The following OSBPL9 variants were observed in gnomAD, a reference collection of about 807,000 sequenced individuals.
OSBPL9 encodes the protein oxysterol-binding protein-related protein 9.
In OSBPL9, 40 loss-of-function variants were observed where a neutral mutation model predicts 106.6. The ratio of observed to expected loss-of-function variants is 0.38; its 90% CI spans 0.29 to 0.49. The LOEUF (loss-of-function observed/expected upper bound fraction) is 0.49. OSBPL9 is among the 20% of genes least tolerant of loss of function. OSBPL9 has a pLI of 0.97. For synonymous variants in OSBPL9, 269 were observed against 295.4 expected (o/e 0.91, Z 0.92); for missense variants, 609 against 887.2 (o/e 0.69, Z 3.98).
the OSBPL9 span, among the ~76,000 whole-genome samples, chr1:51,537,742 T>C: frequency 8.5e-5 from 13 of 152,190 alleles, no homozygotes; most frequent in Admixed American, 8.5e-4. Context: ...GGTCTCACTA[T>C]GTTGCCCAGG....
intron 1 of OSBPL9, among the ~76,000 whole-genome samples, chr1:51,632,633 C>T: frequency 8.5e-6 from 1 of 117,630 alleles, no homozygotes; most frequent in Non-Finnish European, 1.9e-5. Flanking sequence ...AAGACTCTTC[C>T]TCTTACCTCA....
chr1:51,667,231 G>A (rs1385698958), intron 2 of OSBPL9, among the ~76,000 whole-genome samples: 1 of 152,138 alleles, frequency 6.6e-6, no homozygotes, highest in Non-Finnish European at 1.5e-5. Flanking sequence ...CATATACTAT[G>A]CAATTTATCA....
intron 7 of OSBPL9, among the ~76,000 whole-genome samples, chr1:51,749,756 A>G (rs1391168389): frequency 6.6e-6 from 1 of 150,744 alleles, no homozygotes; most frequent in Non-Finnish European, 1.5e-5. Flanking sequence ...AGTGCCAGCT[A>G]CTCGGGAGGC....
At chr1:51,566,651 C>T in the OSBPL9 span, 6 of 152,228 alleles carry the variant, frequency 3.9e-5, no homozygotes, top group Non-Finnish European at 7.3e-5. Context: ...CACATAGTCA[C>T]AAACAAACCT....
chr1:51,778,069 G>C (rs975626781), intron 15 of OSBPL9, among the ~76,000 whole-genome samples: 1 of 152,024 alleles, frequency 6.6e-6, no homozygotes, highest in African/African-American at 2.4e-5. Flanking sequence ...AAGGCAGGAG[G>C]GTCATGCAGT....
At chr1:51,583,944 A>G (rs1202261083) in intron 1 of OSBPL9, among the ~76,000 whole-genome samples, 1 of 152,074 alleles carries the variant, frequency 6.6e-6, no homozygotes, top group African/African-American at 2.4e-5. Context: ...GACTTTTTCA[A>G]CAGTCACTGC....
chr1:51,615,284 CAAA>C (rs1053806349), upstream of OSBPL9, among the ~76,000 whole-genome samples: 1 of 151,056 alleles, frequency 6.6e-6, no homozygotes, highest in Non-Finnish European at 1.5e-5. Flanking sequence ...ACAAAACAAA[CAAA>C]AAAAACAGAA....
chr1:51,667,117 G>C (rs1294905340), intron 2 of OSBPL9, among the ~76,000 whole-genome samples: 2 of 152,182 alleles, frequency 1.3e-5, no homozygotes, highest in Non-Finnish European at 2.9e-5. Flanking sequence ...AGTTGACTAG[G>C]TGACTTGTTG....
intron 8 of OSBPL9, among the ~76,000 whole-genome samples, chr1:51,755,472 C>CA (rs1670136014): frequency 6.6e-6 from 1 of 152,132 alleles, no homozygotes; most frequent in Non-Finnish European, 1.5e-5. Context: ...AAGTAATATG[C>CA]GTTCAATAGA....
chr1:51,601,183 C>G (rs1011145233), intron 2 of OSBPL9, among the ~76,000 whole-genome samples: 2 of 152,304 alleles, frequency 1.3e-5, no homozygotes, highest in South Asian at 2.1e-4. Flanking sequence ...CCCTGTAGCT[C>G]CAAATCCTCT....
At chr1:51,648,649 A>G (rs1180411883) in intron 1 of OSBPL9, among the ~76,000 whole-genome samples, 3 of 152,194 alleles carry the variant, frequency 2.0e-5, no homozygotes, top group African/African-American at 4.8e-5. Flanking sequence ...ATTTGATGCT[A>G]TTACAGCTCA....
At chr1:51,606,494 G>A (rs749167615) in intron 2 of OSBPL9, among the ~76,000 whole-genome samples, 5 of 152,212 alleles carry the variant, frequency 3.3e-5, no homozygotes, top group Non-Finnish European at 7.3e-5. Flanking sequence ...GATATAGAAT[G>A]AGGAAGAGGG....
chr1:51,698,761 G>T (rs1042218321), intron 3 of OSBPL9, among the ~76,000 whole-genome samples: 2 of 152,214 alleles, frequency 1.3e-5, no homozygotes, highest in Non-Finnish European at 2.9e-5. Flanking sequence ...AGCTCATTAA[G>T]TTAGACCCTT....
At chr1:51,556,761 G>A in the OSBPL9 span, among the ~76,000 whole-genome samples, 1,334 of 137,024 alleles carry the variant, frequency 9.7e-3, 9 homozygotes, top group Middle Eastern at 0.046. Context: ...ACTCCAGCCT[G>A]GATGACAGAG....
At chr1:51,574,327 G>A (rs1645170571), upstream of OSBPL9, among the ~76,000 whole-genome samples, 1 of 152,186 alleles carries the variant, frequency 6.6e-6, no homozygotes, top group African/African-American at 2.4e-5. Context: ...ATGGTTGAAA[G>A]GCATGAAACA....
At chr1:51,613,107 A>G (rs888400681), upstream of OSBPL9, among the ~76,000 whole-genome samples, 4 of 152,224 alleles carry the variant, frequency 2.6e-5, no homozygotes, top group African/African-American at 9.6e-5. Context: ...TCAAACAATA[A>G]TTATTAAGCA....
At chr1:51,717,425 C>T (rs1216071045) in intron 4 of OSBPL9, among the ~76,000 whole-genome samples, 1 of 152,204 alleles carries the variant, frequency 6.6e-6, no homozygotes, top group Non-Finnish European at 1.5e-5. Context: ...TATCACTTTA[C>T]TTCTGAACTT....
intron 6 of OSBPL9, among the ~76,000 whole-genome samples, chr1:51,747,756 T>C (rs1668330022): frequency 6.6e-6 from 1 of 152,098 alleles, no homozygotes; most frequent in South Asian, 2.1e-4. Flanking sequence ...AGCCAAAACT[T>C]GCTTTCAGGT....
At chr1:51,689,012 T>G (rs1409244547) in intron 3 of OSBPL9, among the ~76,000 whole-genome samples, 1 of 152,198 alleles carries the variant, frequency 6.6e-6, no homozygotes, top group Admixed American at 6.5e-5. Flanking sequence ...TCAGAAAGGT[T>G]GTTTACCAGG....
Sources: gnomAD v4.1 joint callset for allele counts (sites outside exome capture counted in the v4.1 genomes callset) on GRCh38, gnomAD v4.1.1 for gene constraint, MANE v1.5 for transcripts, NCBI Gene and HGNC (gene_info 2026-07-23, HGNC 2026-07-21) for gene names.